FZD3: variants seen among roughly 807,000 people sequenced by gnomAD.
The protein encoded by FZD3 is frizzled class receptor 3.
In FZD3, 30 loss-of-function variants were observed where a neutral mutation model predicts 60.7. That is an observed-to-expected ratio of 0.49 (90% CI 0.37 to 0.67). The LOEUF (loss-of-function observed/expected upper bound fraction) is 0.67, where lower values mean the gene tolerates loss of function less well. Ranked by LOEUF, FZD3 falls within the 30% of genes least tolerant of loss-of-function variation. FZD3 has a pLI of 0.00. For synonymous variants in FZD3, 246 were observed against 275.2 expected (o/e 0.89, Z 1.05); for missense variants, 605 against 838.7 (o/e 0.72, Z 3.44).
At chr8:28,498,277 T>TC (rs370204226) in intron 1 of FZD3, among the ~76,000 whole-genome samples, 1,685 of 150,218 alleles carry the variant, frequency 0.011, 25 homozygotes, top group African/African-American at 0.038. Flanking sequence ...ATCTAATAGG[T>TC]CCCCCCCCTT....
chr8:28,509,871 G>T lies in FZD3; in HGVS notation c.189+6669G>T, dbSNP rs568056171. ...GACACTTGGGTTGTTTCTACCATTGGAGTATTATGAATAGTGTTGCTATGA... is the reference window on the plus strand; with the variant it reads ...GACACTTGGGTTGTTTCTACCATTGTAGTATTATGAATAGTGTTGCTATGA... On this transcript the variant is annotated intron_variant, in intron 3 of 7. Coordinates refer to ENST00000240093, the MANE Select transcript of FZD3 (RefSeq NM_017412.4). Among the ~76,000 whole-genome samples the T allele has an allele frequency of 4.6e-5, 7 of 152,252 alleles. No homozygotes were observed. In the South Asian group the frequency reaches 6.2e-4, roughly 14 times the overall value.
chr8:28,521,128 A>G (rs1269869053), intron 4 of FZD3, among the ~76,000 whole-genome samples: 1 of 152,144 alleles, frequency 6.6e-6, no homozygotes, highest in Non-Finnish European at 1.5e-5. Flanking sequence ...AAATAGTGCT[A>G]TTTGTGAAAA....
At chr8:28,561,559 G>C (rs1427214976) in intron 7 of FZD3, among the ~76,000 whole-genome samples, 1 of 150,630 alleles carries the variant, frequency 6.6e-6, no homozygotes, top group Non-Finnish European at 1.5e-5. Context: ...ACAGCCAACA[G>C]ATCTGCAGCT....
chr8:28,508,491 G>C (rs377258050), intron 3 of FZD3, among the ~76,000 whole-genome samples: 8 of 144,242 alleles, frequency 5.5e-5, no homozygotes, highest in African/African-American at 1.8e-4. Flanking sequence ...TGCGATTCAA[G>C]TAATATTGCA....
At chr8:28,505,956 A>G (rs1028746547) in intron 3 of FZD3, among the ~76,000 whole-genome samples, 4 of 152,184 alleles carry the variant, frequency 2.6e-5, no homozygotes, top group Non-Finnish European at 5.9e-5. Flanking sequence ...TCAATATGCA[A>G]ACACACATGC....
At chr8:28,559,131 G>C (rs1805569184) in intron 7 of FZD3, among the ~76,000 whole-genome samples, 1 of 152,136 alleles carries the variant, frequency 6.6e-6, no homozygotes, top group Non-Finnish European at 1.5e-5. Flanking sequence ...GGATTTCTGA[G>C]GGCAGTTAAA....
chr8:28,541,063 A>G (rs1417148794), intron 5 of FZD3, among the ~76,000 whole-genome samples: 1 of 152,140 alleles, frequency 6.6e-6, no homozygotes, highest in African/African-American at 2.4e-5. Context: ...TAGCTAGTAT[A>G]TGGCCTGTTT....
rs1235021741 is a variant in FZD3, at chr8:28,527,116, A to G, written c.387-31A>G. The stretch of plus-strand genomic sequence containing the variant: ...ATCGTGATAGATTTCCCCATAAGTA[A>G]AAATAGTTCTCATCTTGTTTTGTTT... On this transcript the variant is annotated intron_variant, in intron 4 of 7. Coordinates refer to ENST00000240093, the MANE Select transcript of FZD3 (RefSeq NM_017412.4). This position sits in a 1 kb window ranked among gnomAD's most constrained non-coding sequence, Gnocchi z 5.0. The G allele has an allele frequency of 8.3e-6, 13 of 1,561,300 alleles. No homozygotes were observed. The highest frequency in any genetic ancestry group is 1.1e-5 in the Non-Finnish European group (13 of 1,153,248).
chr8:28,546,927 G>C (rs1805307873), intron 5 of FZD3, among the ~76,000 whole-genome samples: 1 of 143,802 alleles, frequency 7.0e-6, no homozygotes, highest in African/African-American at 2.5e-5. Flanking sequence ...CCGAGATCGT[G>C]CCACTGCACT....
At position 28,527,503 on chromosome 8, in the gene FZD3, T is replaced by C; in HGVS notation, c.743T>C (p.Val248Ala). 3 of 1,613,910 alleles carry C rather than the reference T, an allele frequency of 1.9e-6. No homozygotes were observed. The South Asian group carries it at 3.3e-5, about 18-fold the overall frequency. Residue 248 changes from valine (V) to alanine (A), a missense_variant, in exon 5 of 8, where the codon GTA becomes GCA. Transcript: ENST00000240093. The surrounding 1 kb of genome is among the most constrained non-coding windows in gnomAD (Gnocchi z 5.0). ...IIFYAVCYMM[V>A]SLIFFIGFLL... ...TTTTATGCAGTCTGCTACATGATGG[T>C]ATCCTTAATTTTCTTCATTGGATTT... is the stretch of plus-strand genomic sequence containing the variant.
chr8:28,531,268 A>C (rs1015131594), intron 5 of FZD3, among the ~76,000 whole-genome samples: 2 of 152,148 alleles, frequency 1.3e-5, no homozygotes, highest in African/African-American at 4.8e-5. Flanking sequence ...TATATATGTG[A>C]GATCATTCTG....
At chr8:28,548,687 T>C (rs1181835248) in intron 5 of FZD3, among the ~76,000 whole-genome samples, 1 of 152,260 alleles carries the variant, frequency 6.6e-6, no homozygotes, top group Non-Finnish European at 1.5e-5. Context: ...CTCTTCTCTT[T>C]CAGGACTTTC....
At chr8:28,543,279 C>T (rs1805215380) in intron 5 of FZD3, among the ~76,000 whole-genome samples, 1 of 152,104 alleles carries the variant, frequency 6.6e-6, no homozygotes, top group African/African-American at 2.4e-5. Context: ...TATTTTTCTT[C>T]AGTTAGTCCT....
chr8:28,504,658 T>C (rs1181974815), intron 3 of FZD3, among the ~76,000 whole-genome samples: 2 of 152,206 alleles, frequency 1.3e-5, no homozygotes, highest in Admixed American at 6.5e-5. Flanking sequence ...TGAAGGGCTG[T>C]TAGGATTAAA....
rs1805791882 is a variant in FZD3, at chr8:28,570,689, C to A, written c.*7678C>A. On this transcript the variant is annotated 3_prime_UTR_variant, in exon 8 of 8. Coordinates refer to ENST00000240093, the MANE Select transcript of FZD3 (RefSeq NM_017412.4). ...TAGTTCCATATCTCCGCAGAGTTCT[C>A]TGGTAGATTAAATGTTCTCTGTGCA... 6.6e-6 allele frequency: 1 copy of A among 151,414 alleles called. No homozygotes were observed. The highest frequency in any genetic ancestry group is 6.6e-5 in the Admixed American group (1 of 15,210). The allele number at this position is 151,414 out of a possible 1,614,324, so 9.4% of individuals were successfully genotyped here.
At chr8:28,545,107 G>A (rs1050537207) in intron 5 of FZD3, among the ~76,000 whole-genome samples, 1 of 152,170 alleles carries the variant, frequency 6.6e-6, no homozygotes, top group Non-Finnish European at 1.5e-5. Context: ...CCCCACTGAG[G>A]TTTAAGTTTC....
chr8:28,502,349 G>A (rs966023446), intron 2 of FZD3, among the ~76,000 whole-genome samples: 1 of 152,030 alleles, frequency 6.6e-6, no homozygotes, highest in Non-Finnish European at 1.5e-5. Flanking sequence ...TAGGACAATA[G>A]CATAATAATT....
rs1403365162 is a variant in FZD3 at position 28,503,212 on chromosome 8, G to T, written c.189+10G>T. The T allele has an allele frequency of 6.3e-7, 1 of 1,577,142 alleles. No individual in the cohort carries two copies. Among genetic ancestry groups the T allele is most frequent in the South Asian group, 1.1e-5 (1 of 89,822 alleles). On this transcript the variant is annotated intron_variant, in intron 3 of 7. Transcript: ENST00000240093. ...AGCTTTGGCAATGGAGGTAAGACTTGATCTATTCTTTGACGTATCTTAGTA... is the reference window on the plus strand; with the variant it reads ...AGCTTTGGCAATGGAGGTAAGACTTTATCTATTCTTTGACGTATCTTAGTA...
intron 5 of FZD3, among the ~76,000 whole-genome samples, chr8:28,543,792 G>T (rs921906011): frequency 6.6e-6 from 1 of 151,842 alleles, no homozygotes; most frequent in Non-Finnish European, 1.5e-5. Context: ...TTTAATCATG[G>T]AAAAGGAAAA....
Sources: gnomAD v4.1 joint callset for allele counts (sites outside exome capture counted in the v4.1 genomes callset) on GRCh38, gnomAD v4.1.1 for gene constraint, Gnocchi (gnomAD v3.1) non-coding constraint, MANE v1.5 for transcripts, NCBI Gene and HGNC (gene_info 2026-07-23, HGNC 2026-07-21) for gene names.